The following TSHZ3 variants were observed in gnomAD, a reference collection of about 807,000 sequenced individuals.
TSHZ3 encodes teashirt zinc finger homeobox 3.
TSHZ3 carries 10 observed loss-of-function variants against 64.5 expected under a neutral mutation model. That is an observed-to-expected ratio of 0.16 (90% CI 0.10 to 0.26). The LOEUF is 0.26. TSHZ3 is among the 10% of genes least tolerant of loss of function. TSHZ3 has a pLI of 1.00. For synonymous variants in TSHZ3, 608 were observed against 593.1 expected, an observed-to-expected ratio of 1.03 and a Z score of -0.36; for missense variants, 1,242 against 1,421.7, an observed-to-expected ratio of 0.87 and a Z score of 2.03.
chr19:31,232,766 A>G (rs1332999010), intron 3 of TSHZ3, among the ~76,000 whole-genome samples: 1 of 152,150 alleles, frequency 6.6e-6, no homozygotes, highest in Non-Finnish European at 1.5e-5. Context: ...CTCTACAGAT[A>G]TGTATTTTTT....
At chr19:31,190,942 G>A (rs941418206) in intron 5 of TSHZ3, among the ~76,000 whole-genome samples, 1 of 152,036 alleles carries the variant, frequency 6.6e-6, no homozygotes, top group Non-Finnish European at 1.5e-5. Flanking sequence ...GCAATTAATA[G>A]CATATTGAAC....
intron 1 of TSHZ3, among the ~76,000 whole-genome samples, chr19:31,296,277 G>A (rs113005076): frequency 0.016 from 2,383 of 151,090 alleles, 65 homozygotes; most frequent in African/African-American, 0.055. Flanking sequence ...CTTCTGCACC[G>A]TCTGGAATGT....
intron 1 of TSHZ3, among the ~76,000 whole-genome samples, chr19:31,311,631 G>A (rs1230344232): frequency 1.3e-5 from 2 of 152,286 alleles, no homozygotes; most frequent in African/African-American, 4.8e-5. Flanking sequence ...TGCTCAGGGG[G>A]CATGGGTGGA....
intron 4 of TSHZ3, among the ~76,000 whole-genome samples, chr19:31,222,525 G>A (rs951843453): frequency 6.6e-5 from 10 of 152,182 alleles, no homozygotes; most frequent in African/African-American, 2.2e-4. Context: ...GTACTAATCA[G>A]AATGGATTCC....
chr19:31,225,661 C>T (rs1975449665), intron 4 of TSHZ3, among the ~76,000 whole-genome samples: 1 of 152,196 alleles, frequency 6.6e-6, no homozygotes, highest in Non-Finnish European at 1.5e-5. Context: ...TCGCCCTTCT[C>T]CTTCCTGAGG....
chr19:31,192,288 C>G (rs538460692), intron 5 of TSHZ3, among the ~76,000 whole-genome samples: 1 of 152,106 alleles, frequency 6.6e-6, no homozygotes, highest in African/African-American at 2.4e-5. Context: ...ATAAAAGTGG[C>G]CTTTTGGGGG....
In TSHZ3 at chr19:31,248,619, C is replaced by CA. The variant is rs35503682; in HGVS notation, n.64-5745dup. On this transcript the variant is annotated intron_variant and non_coding_transcript_variant, in intron 1 of 6. Transcript: ENST00000651361. ...CAACACAGCAAGACCTTATTTCTAC[C>CA]AAAAAAAAAAAAGTTTAAAAGACTA... Among the ~76,000 whole-genome samples the CA allele has an allele frequency of 6.9e-3, 979 of 142,624 alleles. 11 individuals carry two copies. Among genetic ancestry groups the CA allele is most frequent in the Admixed American group, 9.4e-3 (135 of 14,426 alleles). 93.6% of individuals were successfully genotyped at this position (142,624 alleles called of 152,430 possible).
chr19:31,313,019 TA>T (rs1916502550), intron 1 of TSHZ3, among the ~76,000 whole-genome samples: 2 of 133,260 alleles, frequency 1.5e-5, no homozygotes, highest in Admixed American at 1.4e-4. Flanking sequence ...TTATTTGAGT[TA>T]AAACGTGTGT....
At chr19:31,250,919 C>A (rs555953245) in intron 1 of TSHZ3, among the ~76,000 whole-genome samples, 19 of 152,260 alleles carry the variant, frequency 1.2e-4, no homozygotes, top group African/African-American at 4.6e-4. Context: ...TGCTCACCAC[C>A]TAGATGTACC....
chr19:31,322,811 A>G (rs1916811897), intron 1 of TSHZ3, among the ~76,000 whole-genome samples: 1 of 152,250 alleles, frequency 6.6e-6, no homozygotes, highest in African/African-American at 2.4e-5. Context: ...TGAATGAGTG[A>G]CAGAACGAAT....
Position 31,279,178 on chromosome 19 carries a change from G to C in TSHZ3, c.615C>G (p.Gly205=). ...ACTTGCTGGCCCCCGTGAAGATGGA[G>C]CCATAGAGCTTGCTGCTCTGCCGGT... The part of the protein sequence containing the change: ...QLYRQSSKLY[G]SIFTGASKFR... Residue 205 remains glycine (G), a synonymous_variant, in exon 2 of 2, where the codon GGC becomes GGG. Transcript: ENST00000240587. This position sits in a 1 kb window ranked among gnomAD's most constrained non-coding sequence, Gnocchi z 6.4. 6.2e-7 allele frequency: 1 copy of C among 1,613,788 alleles called. No homozygotes were observed. Among genetic ancestry groups the C allele is most frequent in the Non-Finnish European group, 8.5e-7 (1 of 1,179,700 alleles).
At chr19:31,258,618 C>A (rs1192534626) in intron 1 of TSHZ3, among the ~76,000 whole-genome samples, 1 of 152,178 alleles carries the variant, frequency 6.6e-6, no homozygotes, top group Non-Finnish European at 1.5e-5. Flanking sequence ...GACAGGGATT[C>A]GGTCATACTG....
chr19:31,229,351 T>C (rs1975510291), intron 3 of TSHZ3, among the ~76,000 whole-genome samples: 1 of 152,148 alleles, frequency 6.6e-6, no homozygotes, highest in Admixed American at 6.5e-5. Flanking sequence ...GGACCAAGGA[T>C]GGGCAGGTAG....
intron 1 of TSHZ3, among the ~76,000 whole-genome samples, chr19:31,255,767 C>T (rs903298006): frequency 6.6e-6 from 1 of 152,180 alleles, no homozygotes; most frequent in African/African-American, 2.4e-5. Context: ...TGGGGAATCC[C>T]TTGTCCTTAG....
chr19:31,251,586 G>T (rs186179305), intron 1 of TSHZ3, among the ~76,000 whole-genome samples: 17 of 152,246 alleles, frequency 1.1e-4, no homozygotes, highest in African/African-American at 3.9e-4. Context: ...AATTCTGAAG[G>T]TGTTCTAGCC....
intron 5 of TSHZ3, among the ~76,000 whole-genome samples, chr19:31,170,224 G>A (rs1005055435): frequency 9.9e-5 from 15 of 152,104 alleles, no homozygotes; most frequent in African/African-American, 3.6e-4. Flanking sequence ...ATCAGGTTCG[G>A]GTGAGGGCTC....
chr19:31,242,029 A>C (rs1975697579), intron 3 of TSHZ3, among the ~76,000 whole-genome samples: 1 of 152,204 alleles, frequency 6.6e-6, no homozygotes, highest in African/African-American at 2.4e-5. Context: ...TATATAGATA[A>C]TTAAGTGGGT....
Position 31,209,417 on chromosome 19 carries a change from C to A in TSHZ3, n.687-4339G>T, listed in dbSNP as rs144067157. Among the ~76,000 whole-genome samples, 592 of 152,242 alleles carry A rather than the reference C, an allele frequency of 3.9e-3. 3 individuals are homozygous for A. Among genetic ancestry groups the A allele is most frequent in the African/African-American group, 0.013 (558 of 41,554 alleles). On this transcript the variant is annotated intron_variant and non_coding_transcript_variant, in intron 4 of 6. Coordinates refer to the TSHZ3 transcript ENST00000651361. ...AGGGGCACAGATCCAGGATTCAGATCATCTGGGTTTGAATTCTGGCTATTC... is the reference window on the plus strand; with the variant it reads ...AGGGGCACAGATCCAGGATTCAGATAATCTGGGTTTGAATTCTGGCTATTC...
At position 31,224,848 on chromosome 19, in the gene TSHZ3, C is replaced by T. The variant is rs537525157; in HGVS notation, n.686+3157G>A. Among the ~76,000 whole-genome samples, 9 of 152,306 alleles carry T rather than the reference C, an allele frequency of 5.9e-5. No individual in the cohort carries two copies. The East Asian group carries it at 1.3e-3, about 23-fold the overall frequency. The stretch of plus-strand genomic sequence containing the variant: ...TCACCAGCTTTCTATCAAGAAAAGA[C>T]ATTGTGCTCAAGAGCTGGAGGTGAT... On this transcript the variant is annotated intron_variant and non_coding_transcript_variant, in intron 4 of 6. Coordinates refer to the TSHZ3 transcript ENST00000651361.
Sources: allele counts gnomAD v4.1 joint callset (sites outside exome capture counted in the v4.1 genomes callset), GRCh38; gene constraint gnomAD v4.1.1; non-coding constraint Gnocchi (gnomAD v3.1); transcripts MANE v1.5; gene names NCBI Gene and HGNC (gene_info 2026-07-23, HGNC 2026-07-21).